The following ZNF117 variants were observed in gnomAD, a reference collection of about 807,000 sequenced individuals.
ZNF117 encodes zinc finger protein 117.
In ZNF117, 37 loss-of-function variants were observed where a neutral mutation model predicts 41.2. That is an observed-to-expected ratio of 0.90 (90% CI 0.69 to 1.18). The LOEUF (loss-of-function observed/expected upper bound fraction) is 1.18, where lower values mean the gene tolerates loss of function less well. Ranked by LOEUF, ZNF117 falls within the 50% of genes most tolerant of loss-of-function variation. The pLI is 0.00. For missense variants in ZNF117, 546 were observed against 557.5 expected (o/e 0.98, Z 0.21); for synonymous variants, 186 against 186.6 (o/e 1.00, Z 0.02).
chr7:64,978,819 C>T, exon 3 of ZNF117: 1 of 1,613,542 alleles, frequency 6.2e-7, no homozygotes, highest in Non-Finnish European at 8.5e-7. Flanking sequence ...GCATTCTTCA[C>T]ATTCATAACG....
chr7:64,971,983 G>T (rs1785791935), downstream of ZNF117: 2 of 151,916 alleles, frequency 1.3e-5, no homozygotes, highest in Admixed American at 1.3e-4. Flanking sequence ...CAACTTAAAT[G>T]ACTATACAAC....
chr7:64,979,185 CT>C lies in ZNF117; in HGVS notation c.385del (p.Arg129GlufsTer6). On this transcript the variant is annotated frameshift_variant, in exon 3 of 3. Transcript: ENST00000620222. LOFTEE classifies it high-confidence loss of function. ...GTAGAAATTCACTCTAGTTTGGATT[CT>C]TTTATGTTGAGTTAGGTGTGAAAGC... The C allele has an allele frequency of 6.2e-7, 1 of 1,606,792 alleles. No individual in the cohort carries two copies. The highest frequency in any genetic ancestry group is 8.5e-7 in the Non-Finnish European group (1 of 1,177,432).
chr7:64,978,863 A>G (rs139148844), exon 3 of ZNF117: 11 of 1,613,640 alleles, frequency 6.8e-6, no homozygotes, highest in East Asian at 4.5e-5. Flanking sequence ...TATGTTCAGT[A>G]AGCTTTGAGG....
chr7:64,981,470 G>A, exon 2 of ZNF117: 2 of 1,597,448 alleles, frequency 1.3e-6, no homozygotes, highest in Admixed American at 1.7e-5. Context: ...GTCTGGCTTA[G>A]AGACAGCAAT....
upstream of ZNF117, among the ~76,000 whole-genome samples, chr7:64,986,907 A>C (rs1282364042): frequency 6.6e-6 from 1 of 152,206 alleles, no homozygotes; most frequent in African/African-American, 2.4e-5. Context: ...GAAAATTAAC[A>C]AAGATATTAG....
chr7:64,980,214 C>T (rs543541254), intron 2 of ZNF117: 9 of 152,156 alleles, frequency 5.9e-5, no homozygotes, highest in East Asian at 1.9e-4. Context: ...CTAGCTAAGA[C>T]AAATGGTTTC....
At chr7:64,981,819 G>A (rs1786039173) in intron 1 of ZNF117, among the ~76,000 whole-genome samples, 165 bp downstream of exon 2, 1 of 151,998 alleles carries the variant, frequency 6.6e-6, no homozygotes, top group Admixed American at 6.6e-5. Context: ...TGGTAAAGAT[G>A]AAACATCTTG....
chr7:64,989,371 T>C (rs1348891404), intron 1 of ZNF117, among the ~76,000 whole-genome samples: 5 of 146,904 alleles, frequency 3.4e-5, no homozygotes, highest in African/African-American at 1.3e-4. Context: ...AGATTGAAAC[T>C]GGATGCCTTT....
chr7:64,985,040 C>A (rs781327008), upstream of ZNF117, among the ~76,000 whole-genome samples: 1 of 152,316 alleles, frequency 6.6e-6, no homozygotes, highest in East Asian at 1.9e-4. Context: ...GATCCACCCA[C>A]CTTGGCATCC....
chr7:64,978,340 G>C (rs375640693), exon 3 of ZNF117: 9 of 1,613,504 alleles, frequency 5.6e-6, no homozygotes, highest in African/African-American at 1.3e-5. Context: ...TCTCCAGTAT[G>C]AATTTTCTTA....
chr7:64,976,456 AC>A, exon 3 of ZNF117: 1 of 157,292 alleles, frequency 6.4e-6, no homozygotes, highest in South Asian at 1.8e-4. Flanking sequence ...AAAAAAAAAA[AC>A]TTTCATTTTC....
At chr7:64,980,157 C>G (rs1473248132) in intron 2 of ZNF117, 1 of 152,160 alleles carries the variant, frequency 6.6e-6, no homozygotes, top group African/African-American at 2.4e-5. Context: ...TAGAACATTT[C>G]AGACAAGACA....
intron 1 of ZNF117, among the ~76,000 whole-genome samples, chr7:64,989,146 T>TACACACACAC: frequency 6.7e-6 from 1 of 148,630 alleles, no homozygotes; most frequent in South Asian, 2.1e-4. Context: ...AGGCAATGTA[T>TACACACACAC]ACACACACAC....
intron 2 of ZNF117, 48 bp downstream of exon 3, chr7:64,981,339 G>A (rs367617121): frequency 1.9e-6 from 3 of 1,604,156 alleles, no homozygotes; most frequent in Non-Finnish European, 2.6e-6. Flanking sequence ...CCTTCTCCTT[G>A]GCCTTTGACC....
chr7:64,978,901 C>G, exon 3 of ZNF117: 1 of 1,613,508 alleles, frequency 6.2e-7, no homozygotes, highest in Non-Finnish European at 8.5e-7. Flanking sequence ...ACACATTTCT[C>G]ACATTTGTAG....
Position 64,981,159 on chromosome 7 carries a change from C to T in ZNF117, c.34+228G>A. On this transcript the variant is annotated intron_variant, in intron 2 of 2. Transcript: ENST00000620222. ...TTATATCCCATGAAGAGGATGTTGGCTTTCACTGTGAAATTGAAGACAGAT... is the reference window on the plus strand; with the variant it reads ...TTATATCCCATGAAGAGGATGTTGGTTTTCACTGTGAAATTGAAGACAGAT... 5.6e-6 allele frequency: 3 copies of T among 538,928 alleles called. 1 individual carries two copies. Among genetic ancestry groups the T allele is most frequent in the South Asian group, 4.9e-5 (2 of 41,064 alleles). 33.4% of individuals were successfully genotyped at this position (538,928 alleles called of 1,614,324 possible). A position where few individuals can be genotyped will look rare whatever the true frequency, so the allele number is the denominator to read the frequency against.
chr7:64,978,815 T>C, exon 3 of ZNF117: 1 of 1,613,562 alleles, frequency 6.2e-7, no homozygotes, highest in Non-Finnish European at 8.5e-7. Context: ...TGCCGCATTC[T>C]TCACATTCAT....
chr7:64,979,427 CTG>C lies in ZNF117; in HGVS notation c.142_143del (p.Gln48ValfsTer6). On this transcript the variant is annotated frameshift_variant, in exon 3 of 3. Coordinates refer to ENST00000620222, the Ensembl canonical transcript of ZNF117. LOFTEE classifies it high-confidence loss of function. ...CCACACTTTTACAGCCTTTTCTTAA[CTG>C]TAAATTCTCATATCCACATTTTCTA... 3.7e-6 allele frequency: 6 copies of C among 1,610,438 alleles called. No individual in the cohort carries two copies. Among genetic ancestry groups the C allele is most frequent in the Non-Finnish European group, 5.1e-6 (6 of 1,178,378 alleles).
At chr7:64,979,186 T>C (rs779296711) in exon 3 of ZNF117, 9 of 1,607,116 alleles carry the variant, frequency 5.6e-6, no homozygotes, top group Non-Finnish European at 7.6e-6. Flanking sequence ...GTTTGGATTC[T>C]TTTATGTTGA....
Sources: allele counts gnomAD v4.1 joint callset (sites outside exome capture counted in the v4.1 genomes callset), GRCh38; gene constraint gnomAD v4.1.1; transcripts MANE v1.5; gene names NCBI Gene and HGNC (gene_info 2026-07-23, HGNC 2026-07-21).